NAV3: variants seen among roughly 807,000 people sequenced by gnomAD.
NAV3 encodes neuron navigator 3.
Under a neutral mutation model 244.7 loss-of-function variants are expected in NAV3, and 87 were observed. The ratio of observed to expected loss-of-function variants is 0.36; its 90% CI spans 0.30 to 0.42. NAV3 has a LOEUF of 0.42. Ranked by LOEUF, NAV3 falls within the 20% of genes least tolerant of loss-of-function variation. The pLI, the probability that NAV3 is intolerant of heterozygous loss-of-function variation, is 1.00. For missense variants in NAV3, 2,663 were observed against 2,893.3 expected, an observed-to-expected ratio of 0.92 and a Z score of 1.83; for synonymous variants, 1,126 against 1,042.2, an observed-to-expected ratio of 1.08 and a Z score of -1.55.
At chr12:78,068,559 C>G (rs1275515998) in intron 12 of NAV3, among the ~76,000 whole-genome samples, 1 of 148,462 alleles carries the variant, frequency 6.7e-6, no homozygotes, top group South Asian at 2.1e-4. Flanking sequence ...AGTTAGCTTG[C>G]TGATATCAAT....
intron 1 of NAV3, among the ~76,000 whole-genome samples, chr12:77,937,576 A>G (rs981243912): frequency 6.6e-6 from 1 of 152,200 alleles, no homozygotes; most frequent in Non-Finnish European, 1.5e-5. Flanking sequence ...TGGTGCCACA[A>G]TAGAGACATT....
At chr12:77,658,750 G>C (rs369757877) in intron 2 of NAV3, among the ~76,000 whole-genome samples, 31 of 151,702 alleles carry the variant, frequency 2.0e-4, no homozygotes, top group South Asian at 1.0e-3. Flanking sequence ...GGTACTGGTA[G>C]CAAAACAGAG....
intron 2 of NAV3, among the ~76,000 whole-genome samples, chr12:77,628,176 A>G (rs938307775): frequency 6.6e-6 from 1 of 152,224 alleles, no homozygotes; most frequent in Non-Finnish European, 1.5e-5. Flanking sequence ...CAAATAAATG[A>G]TAAATGTTTG....
At chr12:78,202,819 T>C (rs1397648412) in intron 38 of NAV3, among the ~76,000 whole-genome samples, 2 of 152,052 alleles carry the variant, frequency 1.3e-5, no homozygotes, top group African/African-American at 4.8e-5. Flanking sequence ...GAAAAGTCTA[T>C]CAGCTGAAAA....
rs150959635 is a variant in NAV3, at chr12:77,663,318, T to A, written c.72+91052T>A. Among the ~76,000 whole-genome samples the A allele has an allele frequency of 1.7e-3, 259 of 152,320 alleles. 3 individuals carry two copies. Among genetic ancestry groups the A allele is most frequent in the African/African-American group, 5.8e-3 (243 of 41,576 alleles). ...TGAGGTATATGAAAACATCCCTCGC[T>A]TTTTAAGTCAAAAACAGGTTTATGG... is the stretch of plus-strand genomic sequence containing the variant. On this transcript the variant is annotated intron_variant, in intron 2 of 8. Transcript: ENST00000550042.
At chr12:77,945,196 A>C (rs778584204) in intron 3 of NAV3, among the ~76,000 whole-genome samples, 1 of 151,994 alleles carries the variant, frequency 6.6e-6, no homozygotes, top group African/African-American at 2.4e-5. Context: ...GAAAGCATAG[A>C]AGGAGGAAGC....
chr12:77,758,529 T>C lies in NAV3; in HGVS notation c.73-181790T>C, dbSNP rs572074010. Among the ~76,000 whole-genome samples, 24 of 152,338 alleles carry C rather than the reference T, an allele frequency of 1.6e-4. 1 individual carries two copies. The South Asian group carries it at 4.8e-3, about 30-fold the overall frequency. ...ATCACTGCATACCCCAAGTTTGTCT[T>C]TGGAAAGTTCCTTAATACATAATTT... On this transcript the variant is annotated intron_variant, in intron 2 of 8. Coordinates refer to the NAV3 transcript ENST00000550042.
intron 39 of NAV3, among the ~76,000 whole-genome samples, chr12:78,205,480 A>G (rs1044173422): frequency 6.6e-6 from 1 of 151,994 alleles, no homozygotes; most frequent in Non-Finnish European, 1.5e-5. Context: ...TTTTTTTCTT[A>G]AATAGAAAAA....
chr12:77,928,817 A>G (rs1888490756), intron 1 of NAV3, among the ~76,000 whole-genome samples: 1 of 152,230 alleles, frequency 6.6e-6, no homozygotes, highest in Non-Finnish European at 1.5e-5. Flanking sequence ...TGTGGCTACA[A>G]TTTTAAACAG....
chr12:78,128,540 A>G (rs1357574536), intron 17 of NAV3, among the ~76,000 whole-genome samples, 166 bp from the exon 18 acceptor site: 1 of 152,188 alleles, frequency 6.6e-6, no homozygotes, highest in Non-Finnish European at 1.5e-5. Flanking sequence ...ATGTGATTCA[A>G]ACAGATGGCG....
intron 1 of NAV3, among the ~76,000 whole-genome samples, chr12:77,915,027 T>C (rs1886987117): frequency 6.6e-6 from 1 of 152,032 alleles, no homozygotes; most frequent in South Asian, 2.1e-4. Context: ...GTTGCATCTT[T>C]TGGATTCTAG....
At chr12:77,701,452 G>A (rs1335869860) in intron 2 of NAV3, among the ~76,000 whole-genome samples, 1 of 151,766 alleles carries the variant, frequency 6.6e-6, no homozygotes, top group Non-Finnish European at 1.5e-5. Flanking sequence ...CTTGCTAGAG[G>A]TTTATTAATT....
At chr12:77,748,046 T>A (rs1868646971) in intron 2 of NAV3, among the ~76,000 whole-genome samples, 1 of 151,860 alleles carries the variant, frequency 6.6e-6, no homozygotes, top group South Asian at 2.1e-4. Context: ...AAAATAAAAA[T>A]AAAAAAAATT....
chr12:78,043,526 G>C (rs867467036), intron 9 of NAV3, among the ~76,000 whole-genome samples: 2 of 152,056 alleles, frequency 1.3e-5, no homozygotes, highest in South Asian at 2.1e-4. Flanking sequence ...CACAGTGGTT[G>C]AACTAATATA....
intron 1 of NAV3, among the ~76,000 whole-genome samples, chr12:77,917,716 T>A (rs1365051584): frequency 1.3e-5 from 2 of 151,840 alleles, no homozygotes; most frequent in Non-Finnish European, 2.9e-5. Context: ...AAGGCCAGAG[T>A]GTTTCTTTTT....
At chr12:77,728,591 G>A (rs1876985252) in intron 2 of NAV3, among the ~76,000 whole-genome samples, 1 of 151,898 alleles carries the variant, frequency 6.6e-6, no homozygotes, top group Non-Finnish European at 1.5e-5. Context: ...GTTATTGGAT[G>A]GAAAGGGTAA....
At chr12:78,165,991 ATAAAGT>A (rs1957766352) in intron 23 of NAV3, among the ~76,000 whole-genome samples, 1 of 151,258 alleles carries the variant, frequency 6.6e-6, no homozygotes, top group Admixed American at 6.6e-5. Context: ...TACGTATGCA[ATAAAGT>A]TAAAGTTTTA....
chr12:78,024,351 A>C (rs757332887), intron 9 of NAV3, among the ~76,000 whole-genome samples: 3 of 152,142 alleles, frequency 2.0e-5, no homozygotes, highest in Non-Finnish European at 2.9e-5. Context: ...CACTTTACAT[A>C]TATGACCTCC....
intron 5 of NAV3, among the ~76,000 whole-genome samples, chr12:77,978,176 G>A (rs1265486076): frequency 6.6e-6 from 1 of 152,092 alleles, no homozygotes; most frequent in Non-Finnish European, 1.5e-5. Flanking sequence ...GAAAGTATGA[G>A]ATTAACTCTT....
Sources: allele counts gnomAD v4.1 joint callset (sites outside exome capture counted in the v4.1 genomes callset), GRCh38; gene constraint gnomAD v4.1.1; transcripts MANE v1.5; gene names NCBI Gene and HGNC (gene_info 2026-07-23, HGNC 2026-07-21).